The following LRRC4C variants were observed in gnomAD, a reference collection of about 807,000 sequenced individuals.
LRRC4C encodes the protein leucine-rich repeat-containing protein 4C.
LRRC4C carries 5 observed loss-of-function variants against 33.6 expected under a neutral mutation model. That is an observed-to-expected ratio of 0.15 (90% confidence interval 0.08 to 0.31). The LOEUF (loss-of-function observed/expected upper bound fraction) is 0.31, where lower values mean the gene tolerates loss of function less well. Among genes scored for constraint, LRRC4C ranks in the 10% least tolerant of loss-of-function variants. The pLI, the probability that LRRC4C is intolerant of heterozygous loss-of-function variation, is 1.00. For synonymous variants in LRRC4C, 329 were observed against 302.0 expected (o/e 1.09, Z -0.93); for missense variants, 560 against 796.7 (o/e 0.70, Z 3.58).
At chr11:40,217,243 A>G (rs1864043081) in intron 5 of LRRC4C, among the ~76,000 whole-genome samples, 1 of 152,128 alleles carries the variant, frequency 6.6e-6, no homozygotes, top group Admixed American at 6.6e-5. Flanking sequence ...CATGTAATAT[A>G]ATAACTTTAT....
intron 1 of LRRC4C, among the ~76,000 whole-genome samples, chr11:41,065,707 C>T (rs4755567): frequency 0.52 from 78,708 of 152,026 alleles, 20,905 homozygotes; most frequent in South Asian, 0.68. Flanking sequence ...ATGAAGCTTC[C>T]GGAGGAAAGA....
intron 1 of LRRC4C, among the ~76,000 whole-genome samples, chr11:41,065,782 G>A (rs1205274171): frequency 1.3e-5 from 2 of 152,182 alleles, no homozygotes; most frequent in African/African-American, 2.4e-5. Flanking sequence ...AGGGTCTGGA[G>A]TGGACCCCCA....
At chr11:41,416,272 A>G (rs1954677927) in intron 1 of LRRC4C, among the ~76,000 whole-genome samples, 1 of 151,990 alleles carries the variant, frequency 6.6e-6, no homozygotes, top group African/African-American at 2.4e-5. Context: ...GAGCTAGGCT[A>G]TTTTTAAGAA....
intron 3 of LRRC4C, among the ~76,000 whole-genome samples, chr11:40,376,036 G>A (rs1212221953): frequency 2.6e-5 from 4 of 152,046 alleles, no homozygotes; most frequent in Admixed American, 6.6e-5. Context: ...ACCTGGTACC[G>A]TTCCCAACTA....
chr11:40,995,653 G>T (rs1434767737), intron 1 of LRRC4C, among the ~76,000 whole-genome samples: 1 of 151,878 alleles, frequency 6.6e-6, no homozygotes, highest in East Asian at 1.9e-4. Context: ...TTATATGTAA[G>T]AAAAAAGACT....
intron 3 of LRRC4C, among the ~76,000 whole-genome samples, chr11:40,367,834 T>C (rs1350364379): frequency 6.6e-6 from 1 of 152,168 alleles, no homozygotes; most frequent in African/African-American, 2.4e-5. Context: ...CAAATGTATT[T>C]GGTTATTATC....
At chr11:40,901,761 C>T (rs1956210407) in intron 2 of LRRC4C, among the ~76,000 whole-genome samples, 1 of 152,002 alleles carries the variant, frequency 6.6e-6, no homozygotes, top group African/African-American at 2.4e-5. Context: ...CCAAACAATA[C>T]TGAAATATCC....
At chr11:40,900,657 T>C (rs1956160288) in intron 2 of LRRC4C, among the ~76,000 whole-genome samples, 1 of 151,702 alleles carries the variant, frequency 6.6e-6, no homozygotes, top group African/African-American at 2.4e-5. Context: ...GGAAGAACTA[T>C]ATCAATATCA....
intron 3 of LRRC4C, among the ~76,000 whole-genome samples, chr11:40,515,151 C>T (rs1339165162): frequency 6.6e-6 from 1 of 152,096 alleles, no homozygotes; most frequent in East Asian, 1.9e-4. Context: ...CTAAGTTCCA[C>T]AGTGAACAAA....
At chr11:40,950,445 C>G (rs1958642932) in intron 1 of LRRC4C, among the ~76,000 whole-genome samples, 1 of 151,934 alleles carries the variant, frequency 6.6e-6, no homozygotes. Context: ...CCCAAATTTT[C>G]AAATATATGT....
At chr11:41,415,230 A>T (rs1397229509) in intron 1 of LRRC4C, among the ~76,000 whole-genome samples, 1 of 152,144 alleles carries the variant, frequency 6.6e-6, no homozygotes, top group Non-Finnish European at 1.5e-5. Context: ...TCCTCCAGCC[A>T]CAAACCCTAT....
At chr11:41,003,128 A>T (rs1854500622) in intron 1 of LRRC4C, among the ~76,000 whole-genome samples, 1 of 152,230 alleles carries the variant, frequency 6.6e-6, no homozygotes, top group African/African-American at 2.4e-5. Context: ...GTAATTTTTA[A>T]CATGAGAACT....
chr11:40,689,683 C>A (rs1032189477), intron 2 of LRRC4C, among the ~76,000 whole-genome samples: 2 of 152,056 alleles, frequency 1.3e-5, no homozygotes, highest in Non-Finnish European at 2.9e-5. Flanking sequence ...CACCAAAAAA[C>A]AGCTAAGGTT....
chr11:41,455,984 A>C (rs940243209), intron 1 of LRRC4C, among the ~76,000 whole-genome samples: 1 of 152,150 alleles, frequency 6.6e-6, no homozygotes, highest in African/African-American at 2.4e-5. Flanking sequence ...TAATTGAGTG[A>C]GTTGGCTTAA....
intron 2 of LRRC4C, among the ~76,000 whole-genome samples, chr11:40,813,375 G>T (rs1951573466): frequency 6.6e-6 from 1 of 152,168 alleles, no homozygotes; most frequent in South Asian, 2.1e-4. Context: ...GAGAGCTTGT[G>T]CAGGGGAACT....
intron 6 of LRRC4C, among the ~76,000 whole-genome samples, chr11:40,131,639 G>A (rs868608337): frequency 6.6e-6 from 1 of 152,102 alleles, no homozygotes; most frequent in Non-Finnish European, 1.5e-5. Context: ...AACTGCCTGG[G>A]GATTGAGTGT....
chr11:40,894,768 A>G (rs1665633111), intron 2 of LRRC4C, among the ~76,000 whole-genome samples: 1 of 152,074 alleles, frequency 6.6e-6, no homozygotes, highest in Non-Finnish European at 1.5e-5. Context: ...TCACCTATCG[A>G]CAGTCCACCC....
intron 1 of LRRC4C, among the ~76,000 whole-genome samples, chr11:40,954,462 G>A (rs1257368628): frequency 6.6e-6 from 1 of 151,802 alleles, no homozygotes; most frequent in Non-Finnish European, 1.5e-5. Context: ...ACCAACCTGT[G>A]CTGTCATTTA....
intron 1 of LRRC4C, among the ~76,000 whole-genome samples, chr11:41,179,196 T>G (rs2136142458): frequency 6.6e-6 from 1 of 152,108 alleles, no homozygotes. Context: ...TTTTTTTTTT[T>G]TTTTTAAGAT....
Sources: gnomAD v4.1 joint callset for allele counts (sites outside exome capture counted in the v4.1 genomes callset) on GRCh38, gnomAD v4.1.1 for gene constraint, MANE v1.5 for transcripts, NCBI Gene and HGNC (gene_info 2026-07-23, HGNC 2026-07-21) for gene names.